Variants in FSTL5 observed in about 807,000 individuals in gnomAD.
The protein encoded by FSTL5 is follistatin-related protein 5.
A neutral mutation model predicts 89.1 loss-of-function variants in FSTL5; 62 were observed. The observed-to-expected ratio is 0.70, with a 90% CI of 0.57 to 0.86. The LOEUF (loss-of-function observed/expected upper bound fraction) is 0.86. Ranked by LOEUF, FSTL5 falls within the 40% of genes least tolerant of loss-of-function variation. The probability of loss-of-function intolerance (pLI) is 0.00; values close to 1 mark genes in which losing one functional copy is unlikely to be tolerated. For missense variants in FSTL5, 1,057 were observed against 1,001.6 expected, an observed-to-expected ratio of 1.06 and a Z score of -0.75; for synonymous variants, 383 against 346.2, an observed-to-expected ratio of 1.11 and a Z score of -1.18.
At chr4:161,443,812 A>C (rs1299707193) in intron 15 of FSTL5, among the ~76,000 whole-genome samples, 2 of 151,898 alleles carry the variant, frequency 1.3e-5, no homozygotes, top group African/African-American at 4.8e-5. Flanking sequence ...CAAAATGAGT[A>C]ATTATGTGAA....
rs1308187429 is a variant in FSTL5 at position 161,386,305 on chromosome 4, G to T, written c.1986C>A (p.Phe662Leu). The T allele has an allele frequency of 1.2e-6, 2 of 1,613,870 alleles. No individual in the cohort carries two copies. Among genetic ancestry groups the T allele is most frequent in the African/African-American group, 1.3e-5 (1 of 74,908 alleles). ...CGGTGCTGTCAGGTTTGCAGCCAAT[G>T]AAGTAGTAGCCTCCCAAGTGTGTAT... ...LAYTHLGGYY[F>L]IGCKPDSTGA... Residue 662 changes from phenylalanine (F) to leucine (L), a missense_variant, in exon 16 of 16, where the codon TTC becomes TTA. Phe to Leu is a conservative substitution (Grantham distance 22). This residue lies in a region of FSTL5 where 980 missense variants were observed against 903.2 expected (regional missense o/e 1.08). Coordinates refer to ENST00000306100, the MANE Select transcript of FSTL5 (RefSeq NM_020116.5).
intron 3 of FSTL5, among the ~76,000 whole-genome samples, chr4:162,016,523 T>C (rs1016863214): frequency 7.2e-5 from 11 of 152,158 alleles, no homozygotes; most frequent in African/African-American, 1.9e-4. Flanking sequence ...TGGAGAAAAT[T>C]TGATTTTCTT....
intron 3 of FSTL5, among the ~76,000 whole-genome samples, chr4:161,921,146 T>C (rs1484273172): frequency 1.3e-5 from 2 of 152,044 alleles, no homozygotes; most frequent in East Asian, 1.9e-4. Flanking sequence ...AGTAACAGAA[T>C]TGTAGATAGG....
At chr4:162,145,781 G>A (rs947597610) in intron 1 of FSTL5, among the ~76,000 whole-genome samples, 2 of 152,170 alleles carry the variant, frequency 1.3e-5, no homozygotes, top group Non-Finnish European at 2.9e-5. Context: ...ACATTGGTGA[G>A]TATTAATAAT....
At chr4:162,067,194 C>T (rs542650209) in intron 2 of FSTL5, among the ~76,000 whole-genome samples, 1 of 152,164 alleles carries the variant, frequency 6.6e-6, no homozygotes, top group African/African-American at 2.4e-5. Flanking sequence ...CAGGTGACTA[C>T]AAGGCCATGC....
At chr4:161,805,235 A>C (rs1729926804) in intron 4 of FSTL5, among the ~76,000 whole-genome samples, 1 of 152,138 alleles carries the variant, frequency 6.6e-6, no homozygotes, top group Non-Finnish European at 1.5e-5. Flanking sequence ...CAATTTTCAC[A>C]TGAGTTTGCA....
At chr4:161,515,770 T>A (rs975708868) in intron 10 of FSTL5, among the ~76,000 whole-genome samples, 1 of 151,756 alleles carries the variant, frequency 6.6e-6, no homozygotes, top group African/African-American at 2.4e-5. Flanking sequence ...AGAAGCTCAA[T>A]AAATATCATT....
intron 2 of FSTL5, among the ~76,000 whole-genome samples, chr4:162,076,970 C>G (rs1729875175): frequency 2.0e-5 from 3 of 151,852 alleles, no homozygotes. Context: ...ATGGATCTAA[C>G]TGGATACCTT....
At chr4:161,633,924 G>A (rs1004569970) in intron 7 of FSTL5, among the ~76,000 whole-genome samples, 1 of 152,162 alleles carries the variant, frequency 6.6e-6, no homozygotes, top group African/African-American at 2.4e-5. Context: ...AGTTTGTTAT[G>A]TTAAACACAA....
intron 4 of FSTL5, among the ~76,000 whole-genome samples, chr4:161,876,075 T>C (rs897182016): frequency 5.9e-5 from 9 of 152,342 alleles, no homozygotes; most frequent in African/African-American, 2.2e-4. Flanking sequence ...AAATTTGTTA[T>C]ACATTTGTTG....
At chr4:162,149,328 A>G (rs1298502606) in intron 1 of FSTL5, among the ~76,000 whole-genome samples, 1 of 152,050 alleles carries the variant, frequency 6.6e-6, no homozygotes, top group Non-Finnish European at 1.5e-5. Flanking sequence ...GGCAACATAG[A>G]GAGACTGTAC....
rs180954950 is a variant in FSTL5 at position 162,032,302 on chromosome 4, A to G, written c.160+1323T>C. On this transcript the variant is annotated intron_variant, in intron 3 of 15. Transcript: ENST00000306100. ...ATGCATACTCAGTAAGTTTAAATGC[A>G]TATATCATTCAAATGCACATCATAC... 5.3e-5 allele frequency among the ~76,000 whole-genome samples: 8 copies of G among 152,318 alleles called. No individual in the cohort carries two copies. The East Asian group carries it at 1.4e-3, about 26-fold the overall frequency.
Position 161,920,475 on chromosome 4 carries a change from T to A in FSTL5, c.338A>T (p.Glu113Val). 1 of 1,614,004 alleles carries A rather than the reference T, an allele frequency of 6.2e-7. No individual in the cohort carries two copies. Among genetic ancestry groups the A allele is most frequent in the Non-Finnish European group, 8.5e-7 (1 of 1,179,954 alleles). The change falls in exon 4 of 16, where the codon GAA becomes GTA. Residue 113 changes from glutamate to valine, a missense_variant. By Grantham distance (121) the Glu-to-Val change is moderately radical. Coordinates refer to ENST00000306100, the MANE Select transcript of FSTL5 (RefSeq NM_020116.5). ...SDGEFYENHC[E>V]VHRAACLKKQ... is the part of the protein sequence containing the mutation. Reference sequence around the variant, plus strand: ...TTTCAGGCAAGCAGCTCTGTGCACTTCACAGTGGTTTTCATAGAATTCTCC... The same window carrying A: ...TTTCAGGCAAGCAGCTCTGTGCACTACACAGTGGTTTTCATAGAATTCTCC...
chr4:161,484,328 C>T (rs182296930), intron 12 of FSTL5, among the ~76,000 whole-genome samples: 13 of 152,220 alleles, frequency 8.5e-5, no homozygotes, highest in Admixed American at 8.5e-4. Context: ...TTGCTTTCAC[C>T]TCAATAAGTT....
intron 7 of FSTL5, among the ~76,000 whole-genome samples, chr4:161,611,123 C>CATATATATAT (rs201910594): frequency 4.0e-4 from 57 of 143,544 alleles, no homozygotes; most frequent in African/African-American, 1.5e-3. Context: ...AGAAAAGATA[C>CATATATATAT]ATATATATAT....
In FSTL5 at chr4:162,037,031, T is replaced by G. The variant is rs182024566; in HGVS notation, c.127-3373A>C. Among the ~76,000 whole-genome samples, 17 of 152,022 alleles carry G rather than the reference T, an allele frequency of 1.1e-4. No individual in the cohort carries two copies. In the East Asian group the frequency reaches 2.1e-3, roughly 19 times the overall value. ...GTTTGTTGTTTATTGGCCTTTTGCT[T>G]TATTTTGTTTAGTTTTGTAATATTA... On this transcript the variant is annotated intron_variant, in intron 2 of 15. Transcript: ENST00000306100.
At chr4:161,509,021 T>G (rs1730569818) in intron 11 of FSTL5, among the ~76,000 whole-genome samples, 1 of 152,166 alleles carries the variant, frequency 6.6e-6, no homozygotes, top group Non-Finnish European at 1.5e-5. Context: ...AATGAAATGT[T>G]GTTTGATAGA....
At chr4:161,728,407 A>G (rs1739494520) in intron 6 of FSTL5, among the ~76,000 whole-genome samples, 1 of 152,202 alleles carries the variant, frequency 6.6e-6, no homozygotes, top group African/African-American at 2.4e-5. Context: ...GGTAAGGAGA[A>G]AAAGATATTA....
intron 3 of FSTL5, among the ~76,000 whole-genome samples, chr4:161,957,934 T>C (rs1393650103): frequency 6.6e-6 from 1 of 152,126 alleles, no homozygotes; most frequent in Non-Finnish European, 1.5e-5. Context: ...AAATAATTTT[T>C]GCTGTCCACC....
Sources: gnomAD v4.1 joint callset for allele counts (sites outside exome capture counted in the v4.1 genomes callset) on GRCh38, gnomAD v4.1.1 for gene constraint, gnomAD v4.1.1 regional missense constraint, MANE v1.5 for transcripts, NCBI Gene and HGNC (gene_info 2026-07-23, HGNC 2026-07-21) for gene names.